GSE1: variants seen among roughly 807,000 people sequenced by gnomAD.
The protein encoded by GSE1 is Gse1 coiled-coil protein, also known as genetic suppressor element 1.
GSE1 carries 32 observed loss-of-function variants against 112.6 expected under a neutral mutation model. The observed-to-expected ratio is 0.28, with a 90% CI of 0.21 to 0.38. The LOEUF is 0.38. GSE1 is among the 10% of genes least tolerant of loss of function. The probability of loss-of-function intolerance (pLI) is 1.00; values close to 1 mark genes in which losing one functional copy is unlikely to be tolerated. For missense variants in GSE1, 2,348 were observed against 1,699.2 expected (o/e 1.38, Z -6.71); for synonymous variants, 1,115 against 735.6 (o/e 1.52, Z -8.35).
At chr16:85,457,173 A>G (rs910449500) in intron 2 of GSE1, among the ~76,000 whole-genome samples, 6 of 152,306 alleles carry the variant, frequency 3.9e-5, no homozygotes, top group Middle Eastern at 3.4e-3. Context: ...GGCTGCCAGG[A>G]TTGCATTGCA....
At chr16:85,308,825 A>G (rs2045750315) in intron 1 of GSE1, among the ~76,000 whole-genome samples, 1 of 149,434 alleles carries the variant, frequency 6.7e-6, no homozygotes, top group Non-Finnish European at 1.5e-5. Context: ...TCTCAGATCC[A>G]ATTTTGCCAC....
At chr16:85,210,860 G>C (rs1461253579) in intron 1 of GSE1, among the ~76,000 whole-genome samples, 3 of 152,200 alleles carry the variant, frequency 2.0e-5, no homozygotes, top group Non-Finnish European at 4.4e-5. Context: ...AGCAGGAGAG[G>C]AGCCACCTGG....
chr16:85,197,097 T>G (rs527688391), intron 1 of GSE1, among the ~76,000 whole-genome samples: 1 of 152,212 alleles, frequency 6.6e-6, no homozygotes, highest in Non-Finnish European at 1.5e-5. Context: ...CAGCCATTTA[T>G]TGAGCACCTC....
chr16:85,403,961 T>G (rs1476173834), intron 2 of GSE1, among the ~76,000 whole-genome samples: 1 of 152,162 alleles, frequency 6.6e-6, no homozygotes, highest in East Asian at 1.9e-4. Flanking sequence ...CCAGGGCTTG[T>G]GGCCGCTCAC....
At chr16:85,247,343 A>G (rs1233766040) in intron 1 of GSE1, among the ~76,000 whole-genome samples, 1 of 152,174 alleles carries the variant, frequency 6.6e-6, no homozygotes, top group East Asian at 1.9e-4. Flanking sequence ...TGGATGGACA[A>G]TGGATGGGAA....
intron 1 of GSE1, among the ~76,000 whole-genome samples, chr16:85,627,827 G>C (rs978539125): frequency 6.6e-6 from 1 of 152,210 alleles, no homozygotes; most frequent in Non-Finnish European, 1.5e-5. Context: ...TCTCTAATGA[G>C]GGCAGCAGGG....
upstream of GSE1, among the ~76,000 whole-genome samples, chr16:85,610,527 A>G (rs1441431490): frequency 6.6e-6 from 1 of 152,242 alleles, no homozygotes; most frequent in African/African-American, 2.4e-5. Context: ...GCAGGAGAGC[A>G]ATTCCCACCC....
At chr16:85,633,887 C>A (rs755964711) in intron 1 of GSE1, 27 bp from the exon 2 acceptor site, 1 of 1,580,278 alleles carries the variant, frequency 6.3e-7, no homozygotes, top group South Asian at 1.1e-5. Flanking sequence ...CTCTGGGTGA[C>A]CTCTGGTTCT....
intron 1 of GSE1, among the ~76,000 whole-genome samples, chr16:85,293,768 T>C (rs1377377849): frequency 1.3e-5 from 2 of 152,152 alleles, no homozygotes; most frequent in Non-Finnish European, 2.9e-5. Context: ...TCACTGAACT[T>C]CATCGCTGTG....
chr16:85,626,884 C>G (rs1474789680), intron 1 of GSE1, among the ~76,000 whole-genome samples: 1 of 151,870 alleles, frequency 6.6e-6, no homozygotes, highest in Admixed American at 6.6e-5. Flanking sequence ...GGCCTCCCCC[C>G]TCGTTTAAAT....
chr16:85,248,449 C>G (rs1193603627), intron 1 of GSE1, among the ~76,000 whole-genome samples: 1 of 151,776 alleles, frequency 6.6e-6, no homozygotes, highest in Non-Finnish European at 1.5e-5. Flanking sequence ...CTCCCTTTTT[C>G]TCTCACGCTC....
chr16:85,435,939 C>T (rs1268304337), intron 2 of GSE1, among the ~76,000 whole-genome samples: 1 of 152,150 alleles, frequency 6.6e-6, no homozygotes, highest in East Asian at 1.9e-4. Flanking sequence ...CCCACCAGCC[C>T]CATGTAGTCA....
At chr16:85,592,373 C>T (rs2047039895) in intron 1 of GSE1, 1 of 152,192 alleles carries the variant, frequency 6.6e-6, no homozygotes, top group African/African-American at 2.4e-5. Context: ...TGGTCTCAAA[C>T]TCCTGACCTC....
chr16:85,618,774 C>T (rs1030363371), intron 1 of GSE1, among the ~76,000 whole-genome samples: 2 of 152,252 alleles, frequency 1.3e-5, no homozygotes. Flanking sequence ...CCTGCTGCCG[C>T]AGCCTCCTGA....
upstream of GSE1, chr16:85,611,615 G>T (rs912027341): frequency 1.3e-5 from 6 of 450,502 alleles, no homozygotes; most frequent in Non-Finnish European, 1.8e-5. Flanking sequence ...TGTGCAAGGC[G>T]GGGGGCCGGC....
At chr16:85,665,853 G>C (rs1448149856) in intron 12 of GSE1, 123 bp from the exon 13 acceptor site, 5 of 886,254 alleles carry the variant, frequency 5.6e-6, no homozygotes, top group East Asian at 2.5e-5. Context: ...ATGTTCCCCG[G>C]GTCTTGGTTC....
intron 1 of GSE1, among the ~76,000 whole-genome samples, chr16:85,604,741 T>A (rs2047609663): frequency 6.0e-4 from 1 of 1,678 alleles, no homozygotes; most frequent in African/African-American, 3.2e-3. Flanking sequence ...TGAGATTCTG[T>A]CAAAAAAAAA....
rs766744921 is a variant in GSE1, at chr16:85,622,715, A to G, written c.7+9317A>G. Among the ~76,000 whole-genome samples the G allele has an allele frequency of 7.2e-5, 11 of 152,166 alleles. No individual in the cohort carries two copies. In the South Asian group the frequency reaches 8.3e-4, roughly 11 times the overall value. ...TGACTTGGTGAGCTTGCTTTGATTC[A>G]GGGGAGACCTACCTTGGGGTTGACA... On this transcript the variant is annotated intron_variant, in intron 1 of 15. Coordinates refer to ENST00000253458, the MANE Select transcript of GSE1 (RefSeq NM_014615.5).
At chr16:85,568,641 AC>A (rs796471511) in intron 1 of GSE1, among the ~76,000 whole-genome samples, 214 of 152,324 alleles carry the variant, frequency 1.4e-3, no homozygotes, top group African/African-American at 4.9e-3. Flanking sequence ...TGACCCAGAT[AC>A]GGGCTTATTA....
Sources: gnomAD v4.1 joint callset for allele counts (sites outside exome capture counted in the v4.1 genomes callset) on GRCh38, gnomAD v4.1.1 for gene constraint, MANE v1.5 for transcripts, NCBI Gene and HGNC (gene_info 2026-07-23, HGNC 2026-07-21) for gene names.